SECISBP2L: variants seen among roughly 807,000 people sequenced by gnomAD.
The protein encoded by SECISBP2L is SECIS binding protein 2 like.
Under a neutral mutation model 114.7 loss-of-function variants are expected in SECISBP2L, and 43 were observed. That is an observed-to-expected ratio of 0.38 (90% CI 0.29 to 0.48). The LOEUF is 0.48. SECISBP2L is among the 20% of genes least tolerant of loss of function. The probability of loss-of-function intolerance (pLI) is 0.98; values close to 1 mark genes in which losing one functional copy is unlikely to be tolerated. For synonymous variants in SECISBP2L, 451 were observed against 439.7 expected (o/e 1.03, Z -0.32); for missense variants, 1,136 against 1,301.1 (o/e 0.87, Z 1.95).
At chr15:49,028,057 G>T (rs1360829695) in intron 6 of SECISBP2L, 87 bp downstream of exon 6, 5 of 1,208,320 alleles carry the variant, frequency 4.1e-6, no homozygotes, top group Non-Finnish European at 5.8e-6. Context: ...TTTTTTTGCA[G>T]TATCAGCAAG....
In SECISBP2L at chr15:49,046,334, G is replaced by C; in HGVS notation, c.-35C>G. The stretch of plus-strand genomic sequence containing the variant: ...AGCCGCAACGGGCCCGCGCTAGTCG[G>C]TGTAAACAGCGCCTCGGGCCGCTTT... On this transcript the variant is annotated 5_prime_UTR_variant, in exon 1 of 18. Transcript: ENST00000559471. 3 of 1,506,980 alleles carry C rather than the reference G, an allele frequency of 2.0e-6. No individual in the cohort carries two copies. The highest frequency in any genetic ancestry group is 2.7e-6 in the Non-Finnish European group (3 of 1,124,960). 93.4% of individuals were successfully genotyped at this position (1,506,980 alleles called of 1,614,324 possible).
chr15:48,993,100 A>AGAGAGTGTGTGTGTGTGTGTGTGTGT (rs772299775), intron 17 of SECISBP2L, among the ~76,000 whole-genome samples, 174 bp from the exon 18 acceptor site: 4 of 139,222 alleles, frequency 2.9e-5, no homozygotes, highest in East Asian at 2.1e-4. Context: ...ACAGAGAGAG[A>AGAGAGTGTGTGTGTGTGTGTGTGTGT]GTGTGTGTGT....
intron 7 of SECISBP2L, among the ~76,000 whole-genome samples, chr15:49,021,791 CA>C (rs1902644384): frequency 6.6e-6 from 1 of 152,138 alleles, no homozygotes; most frequent in Non-Finnish European, 1.5e-5. Flanking sequence ...ATGGTCCCAA[CA>C]AAGTTCATGT....
chr15:49,010,440 G>A (rs528703268), intron 13 of SECISBP2L, among the ~76,000 whole-genome samples: 1 of 152,084 alleles, frequency 6.6e-6, no homozygotes, highest in South Asian at 2.1e-4. Flanking sequence ...GCTAAACTCA[G>A]GAAATTAGTT....
intron 7 of SECISBP2L, among the ~76,000 whole-genome samples, chr15:49,022,970 G>A (rs1296547278): frequency 6.6e-6 from 1 of 151,674 alleles, no homozygotes; most frequent in East Asian, 1.9e-4. Flanking sequence ...TTCCTTTACA[G>A]CTTTAGAGCA....
intron 4 of SECISBP2L, 62 bp downstream of exon 4, chr15:49,032,903 T>C (rs1162497679): frequency 6.3e-7 from 1 of 1,587,164 alleles, no homozygotes; most frequent in Non-Finnish European, 8.6e-7. Context: ...ACCACAATTA[T>C]AAAGTGAATG....
rs912533312 is a variant in SECISBP2L, at chr15:49,009,074, C to A, written c.2027+142G>T. On this transcript the variant is annotated intron_variant, in intron 14 of 17. Transcript: ENST00000559471. The stretch of plus-strand genomic sequence containing the variant: ...GCAATGCTTTAAATAATAAACCCAG[C>A]TGTTAAACAAAATCCGAAAGGAGTT... 6 of 801,342 alleles carry A rather than the reference C, an allele frequency of 7.5e-6. No individual in the cohort carries two copies. The Admixed American group carries it at 1.4e-4, about 19-fold the overall frequency. The allele number at this position is 801,342 out of a possible 1,614,324, so 49.6% of individuals were successfully genotyped here.
chr15:49,034,883 A>T (rs1184991084), intron 3 of SECISBP2L, among the ~76,000 whole-genome samples: 1 of 151,952 alleles, frequency 6.6e-6, no homozygotes, highest in South Asian at 2.1e-4. Context: ...GACTGGTCTC[A>T]AACTCTTGGG....
chr15:49,020,639 C>G lies in SECISBP2L; in HGVS notation c.1036-1087G>C, dbSNP rs117593150. On this transcript the variant is annotated intron_variant, in intron 7 of 17. Coordinates refer to ENST00000559471, the MANE Select transcript of SECISBP2L (RefSeq NM_001193489.2). ...TCTTTCACCTCAGCCTCCCAAACAACTAGGACCACAGGTGTGCACCACCAC... is the reference window on the plus strand; with the variant it reads ...TCTTTCACCTCAGCCTCCCAAACAAGTAGGACCACAGGTGTGCACCACCAC... Among the ~76,000 whole-genome samples, 149 of 152,212 alleles carry G rather than the reference C, an allele frequency of 9.8e-4. No homozygotes were observed. In the East Asian group the frequency reaches 0.027, roughly 27 times the overall value.
intron 13 of SECISBP2L, chr15:49,011,457 T>C (rs1902434979): frequency 9.7e-6 from 3 of 310,438 alleles, no homozygotes; most frequent in Middle Eastern, 9.1e-4. Context: ...AGAGATCCCA[T>C]GCATTCGTGA....
chr15:49,039,400 C>G lies in SECISBP2L; in HGVS notation c.25-1631G>C, dbSNP rs138421343. Among the ~76,000 whole-genome samples the G allele has an allele frequency of 4.6e-5, 7 of 152,024 alleles. No individual in the cohort carries two copies. In the East Asian group the frequency reaches 1.4e-3, roughly 29 times the overall value. On this transcript the variant is annotated intron_variant, in intron 1 of 17. Transcript: ENST00000559471. ...ATTAGGAAAAAGAAAAGCCGACGTA[C>G]AGCAATAATGCAAAGATAATGGAAG...
intron 17 of SECISBP2L, among the ~76,000 whole-genome samples, chr15:48,993,686 A>AATATAT (rs35939252): frequency 0.017 from 2,573 of 148,784 alleles, 29 homozygotes; most frequent in Middle Eastern, 0.039. Context: ...GTTGTTTTAT[A>AATATAT]ATATATATAT....
intron 7 of SECISBP2L, among the ~76,000 whole-genome samples, chr15:49,021,510 A>C (rs1034909985): frequency 2.0e-5 from 3 of 152,202 alleles, no homozygotes; most frequent in Non-Finnish European, 4.4e-5. Context: ...AATCTTTAGT[A>C]ACAGCTACTC....
In SECISBP2L at chr15:48,992,542, G is replaced by A. The variant is rs1902003746; in HGVS notation, c.3008C>T (p.Thr1003Ile). The A allele has an allele frequency of 1.2e-6, 2 of 1,614,062 alleles. No individual in the cohort carries two copies. Among genetic ancestry groups the A allele is most frequent in the South Asian group, 1.1e-5 (1 of 91,090 alleles). Residue 1003 changes from threonine to isoleucine, a missense_variant, in exon 18 of 18, where the codon ACT (threonine) becomes ATT (isoleucine). By Grantham distance (89) the Thr-to-Ile change is moderately conservative. Coordinates refer to ENST00000559471, the MANE Select transcript of SECISBP2L (RefSeq NM_001193489.2). ...DEDEEEEEDY[T>I]HEPISVEVQL... ...CACTTCTACAGATATGGGTTCATGAGTATAATCTTCCTCCTCCTCCTCATC... is the reference window on the plus strand; with the variant it reads ...CACTTCTACAGATATGGGTTCATGAATATAATCTTCCTCCTCCTCCTCATC...
At chr15:48,994,791 C>T (rs889563714) in intron 17 of SECISBP2L, among the ~76,000 whole-genome samples, 3 of 149,804 alleles carry the variant, frequency 2.0e-5, no homozygotes, top group African/African-American at 5.0e-5. Flanking sequence ...TCCTCACTTC[C>T]ACTCCAGCTC....
chr15:49,003,185 C>A (rs1902246158), intron 14 of SECISBP2L, among the ~76,000 whole-genome samples: 1 of 152,030 alleles, frequency 6.6e-6, no homozygotes, highest in Non-Finnish European at 1.5e-5. Context: ...AAGTTGGATT[C>A]CTAGGTATTT....
intron 14 of SECISBP2L, among the ~76,000 whole-genome samples, chr15:49,004,284 T>A (rs1415890069): frequency 1.3e-5 from 2 of 152,178 alleles, no homozygotes; most frequent in Non-Finnish European, 2.9e-5. Context: ...TCAGTTGTGA[T>A]CTTCCCTTTA....
At chr15:49,024,922 GTTCTT>G (rs1222194170) in intron 7 of SECISBP2L, among the ~76,000 whole-genome samples, 1 of 152,014 alleles carries the variant, frequency 6.6e-6, no homozygotes, top group Non-Finnish European at 1.5e-5. Flanking sequence ...TTTCTTTTTT[GTTCTT>G]TTAACATTCC....
chr15:49,017,386 A>G (rs1405583269), intron 9 of SECISBP2L, among the ~76,000 whole-genome samples, 162 bp downstream of exon 9: 1 of 152,210 alleles, frequency 6.6e-6, no homozygotes, highest in African/African-American at 2.4e-5. Context: ...ATCTTTGTTC[A>G]GGCTATGCTG....
Sources: gnomAD v4.1 joint callset for allele counts (sites outside exome capture counted in the v4.1 genomes callset) on GRCh38, gnomAD v4.1.1 for gene constraint, MANE v1.5 for transcripts, NCBI Gene and HGNC (gene_info 2026-07-23, HGNC 2026-07-21) for gene names.